DACT1: variants seen among roughly 807,000 people sequenced by gnomAD.
DACT1 encodes dapper homolog 1.
In DACT1, 19 loss-of-function variants were observed where a neutral mutation model predicts 35.3. That is an observed-to-expected ratio of 0.54 (90% confidence interval 0.38 to 0.79). The LOEUF (loss-of-function observed/expected upper bound fraction) is 0.79. DACT1 is among the 30% of genes least tolerant of loss of function. The pLI, the probability that DACT1 is intolerant of heterozygous loss-of-function variation, is 0.00. For missense variants in DACT1, 1,143 were observed against 1,057.5 expected (o/e 1.08, Z -1.12); for synonymous variants, 545 against 466.7 (o/e 1.17, Z -2.16).
rs2047601203 is a variant in DACT1, at chr14:58,638,872, A to G, written c.345+325A>G. ...GTTCTAACGTTCGGTCTCCTTAGTTAGATGAGTATATGCCCTCTCCCCAGC... is the reference window on the plus strand; with the variant it reads ...GTTCTAACGTTCGGTCTCCTTAGTTGGATGAGTATATGCCCTCTCCCCAGC... On this transcript the variant is annotated intron_variant, in intron 1 of 3. Coordinates refer to ENST00000395153, the MANE Select transcript of DACT1 (RefSeq NM_001079520.2). The G allele has an allele frequency of 2.8e-6, 3 of 1,068,858 alleles. No homozygotes were observed. In the South Asian group the frequency reaches 1.4e-4, roughly 48 times the overall value. 66.2% of individuals were successfully genotyped at this position (1,068,858 alleles called of 1,614,324 possible).
Position 58,638,184 on chromosome 14 carries a change from C to G in DACT1, c.-19C>G. 1 of 1,290,546 alleles carries G rather than the reference C, an allele frequency of 7.7e-7. No homozygotes were observed. Among genetic ancestry groups the G allele is most frequent in the Non-Finnish European group, 9.8e-7 (1 of 1,020,774 alleles). 79.9% of individuals were successfully genotyped at this position (1,290,546 alleles called of 1,614,324 possible). A position where few individuals can be genotyped will look rare whatever the true frequency, so the allele number is the denominator to read the frequency against. ...GCGGCCCGGCTGCGGTGACGGCTCT[C>G]GCTGCCCGACTGGGGGCCATGAAGC... is the stretch of plus-strand genomic sequence containing the variant. On this transcript the variant is annotated 5_prime_UTR_variant, in exon 1 of 4. Coordinates refer to ENST00000395153, the MANE Select transcript of DACT1 (RefSeq NM_001079520.2).
In DACT1 at chr14:58,640,806, TGA is replaced by T; in HGVS notation, c.419_420del (p.Arg140ThrfsTer8). 6.2e-7 allele frequency: 1 copy of T among 1,614,130 alleles called. No homozygotes were observed. ...GAGCTTGACAAGCAGATAAGTGACC[TGA>T]GACTGGATGTAGAAAAGACATCTGA... On this transcript the variant is annotated frameshift_variant, in exon 2 of 4. Coordinates refer to ENST00000395153, the MANE Select transcript of DACT1 (RefSeq NM_001079520.2). LOFTEE classifies it high-confidence loss of function.
rs1242959369 is a variant in DACT1 at position 58,638,448 on chromosome 14, T to C, written c.246T>C (p.Ala82=). 7.4e-7 allele frequency: 1 copy of C among 1,346,964 alleles called. No homozygotes were observed. Among genetic ancestry groups the C allele is most frequent in the Non-Finnish European group, 9.6e-7 (1 of 1,045,206 alleles). The allele number at this position is 1,346,964 out of a possible 1,614,324, so 83.4% of individuals were successfully genotyped here. A position where few individuals can be genotyped will look rare whatever the true frequency, so the allele number is the denominator to read the frequency against. Residue 82 remains alanine (A), a synonymous_variant, in exon 1 of 4, where the codon GCT becomes GCC. Coordinates refer to ENST00000395153, the MANE Select transcript of DACT1 (RefSeq NM_001079520.2). ...ALRGAGGAGA[A]APRAGELLGE... ...GCGGCGCCGGGGGTGCGGGAGCCGC[T>C]GCGCCCCGCGCTGGGGAGCTACTGG...
In DACT1 at chr14:58,647,291, T is replaced by G. The variant is rs1380407632; in HGVS notation, c.*157T>G. ...TAAATTATTGTTTCATCTTCACGTA[T>G]GGATGCTAGTGCCTTTAATGGAAGG... On this transcript the variant is annotated 3_prime_UTR_variant, in exon 4 of 4. Coordinates refer to ENST00000395153, the MANE Select transcript of DACT1 (RefSeq NM_001079520.2). 2 of 816,332 alleles carry G rather than the reference T, an allele frequency of 2.4e-6. No homozygotes were observed. Among genetic ancestry groups the G allele is most frequent in the Non-Finnish European group, 3.8e-6 (2 of 522,134 alleles). 50.6% of individuals were successfully genotyped at this position (816,332 alleles called of 1,614,324 possible).
Position 58,646,723 on chromosome 14 carries a change from G to T in DACT1, c.1989G>T (p.Glu663Asp), listed in dbSNP as rs1458870073. The change falls in exon 4 of 4, where the codon GAG becomes GAT. Residue 663 changes from glutamate (E) to aspartate (D), a missense_variant. Around this residue, in one of 3 missense-constraint regions of DACT1, gnomAD observed 1,054 missense variants for 958.8 expected, o/e 1.10. Coordinates refer to ENST00000395153, the MANE Select transcript of DACT1 (RefSeq NM_001079520.2). ...ALRRARRGRR[E>D]NVGLYPAPVP... ...GGAGGGCCCGGCGCGGTCGCCGGGAGAATGTGGGGCTGTACCCCGCGCCTG... is the reference window on the plus strand; with the variant it reads ...GGAGGGCCCGGCGCGGTCGCCGGGATAATGTGGGGCTGTACCCCGCGCCTG... 6.2e-7 allele frequency: 1 copy of T among 1,613,620 alleles called. No individual in the cohort carries two copies. The highest frequency in any genetic ancestry group is 1.7e-5 in the Admixed American group (1 of 60,012).
chr14:58,638,149 C>T lies in DACT1; in HGVS notation c.-54C>T. 7.9e-7 allele frequency: 1 copy of T among 1,260,028 alleles called. No individual in the cohort carries two copies. The highest frequency in any genetic ancestry group is 2.7e-5 in the South Asian group (1 of 37,516). 78.1% of individuals were successfully genotyped at this position (1,260,028 alleles called of 1,614,324 possible). ...CGGCCGCAGCCCTAGCGCCCTGCTC[C>T]TCCGCCTGGGCGGCCCGGCTGCGGT... On this transcript the variant is annotated 5_prime_UTR_variant, in exon 1 of 4. Coordinates refer to ENST00000395153, the MANE Select transcript of DACT1 (RefSeq NM_001079520.2).
At position 58,645,712 on chromosome 14, in the gene DACT1, C is replaced by G. The variant is rs776288208; in HGVS notation, c.978C>G (p.Asn326Lys). ...VRTNKPRTSV[N>K]ADPTKGLLRN... Reference sequence around the variant, plus strand: ...CCAACAAACCAAGAACCAGCGTGAACGCTGACCCCACGAAAGGGCTTCTGA... The same window carrying G: ...CCAACAAACCAAGAACCAGCGTGAAGGCTGACCCCACGAAAGGGCTTCTGA... Residue 326 changes from asparagine to lysine, a missense_variant, in exon 4 of 4, where the codon AAC (asparagine) becomes AAG (lysine). Physicochemically the swap from Asn to Lys is moderately conservative, Grantham distance 94. This residue lies in a region of DACT1 where 1,054 missense variants were observed against 958.8 expected (regional missense o/e 1.10). Coordinates refer to ENST00000395153, the MANE Select transcript of DACT1 (RefSeq NM_001079520.2). The G allele has an allele frequency of 2.5e-6, 4 of 1,614,210 alleles. No homozygotes were observed. Among genetic ancestry groups the G allele is most frequent in the Non-Finnish European group, 3.4e-6 (4 of 1,180,040 alleles).
chr14:58,642,847 C>T (rs1015733613), intron 3 of DACT1, among the ~76,000 whole-genome samples: 1 of 152,232 alleles, frequency 6.6e-6, no homozygotes, highest in Non-Finnish European at 1.5e-5. Flanking sequence ...TGGGTGCCCA[C>T]ATGCCATTAT....
Position 58,647,280 on chromosome 14 carries a change from A to G in DACT1, c.*146A>G, listed in dbSNP as rs1352991744. On this transcript the variant is annotated 3_prime_UTR_variant, in exon 4 of 4. Coordinates refer to ENST00000395153, the MANE Select transcript of DACT1 (RefSeq NM_001079520.2). ...TAAAACCAAGGTAAATTATTGTTTC[A>G]TCTTCACGTATGGATGCTAGTGCCT... is the stretch of plus-strand genomic sequence containing the variant. 5 of 912,586 alleles carry G rather than the reference A, an allele frequency of 5.5e-6. No individual in the cohort carries two copies. The highest frequency in any genetic ancestry group is 8.2e-6 in the Non-Finnish European group (5 of 606,416). 56.5% of individuals were successfully genotyped at this position (912,586 alleles called of 1,614,324 possible).
upstream of DACT1, among the ~76,000 whole-genome samples, chr14:58,635,190 G>A (rs1435724160): frequency 6.6e-6 from 1 of 152,216 alleles, no homozygotes; most frequent in Non-Finnish European, 1.5e-5. Context: ...ACAGTAGGGG[G>A]AAGTGAGATT....
Position 58,646,744 on chromosome 14 carries a change from G to A in DACT1, c.2010G>A (p.Ala670=), listed in dbSNP as rs1210020881. ...GGGAGAATGTGGGGCTGTACCCCGC[G>A]CCTGTGCCTCTGCCCTACGCCAGCC... ...GRRENVGLYP[A]PVPLPYASPY... is the part of the protein sequence containing the mutation. Residue 670 remains alanine, a synonymous_variant, in exon 4 of 4, where the codon GCG becomes GCA. Coordinates refer to ENST00000395153, the MANE Select transcript of DACT1 (RefSeq NM_001079520.2). The A allele has an allele frequency of 6.2e-7, 1 of 1,613,856 alleles. No homozygotes were observed. The highest frequency in any genetic ancestry group is 8.5e-7 in the Non-Finnish European group (1 of 1,180,026).
upstream of DACT1, among the ~76,000 whole-genome samples, chr14:58,636,858 G>A (rs1199954031): frequency 6.6e-6 from 1 of 151,784 alleles, no homozygotes; most frequent in Non-Finnish European, 1.5e-5. Flanking sequence ...AGTGGGATAG[G>A]GGTCTGGAGT....
Position 58,647,171 on chromosome 14 carries a change from T to C in DACT1, c.*37T>C. 1 of 1,589,100 alleles carries C rather than the reference T, an allele frequency of 6.3e-7. No homozygotes were observed. The highest frequency in any genetic ancestry group is 8.5e-7 in the Non-Finnish European group (1 of 1,173,480). On this transcript the variant is annotated 3_prime_UTR_variant, in exon 4 of 4. Transcript: ENST00000395153. ...GGTGTAGAAAGTTTGTGTGTTTTTT[T>C]TTCTTCTCCCTAGTTGCCAAAATTA...
chr14:58,637,301 A>G (rs1361940071), upstream of DACT1, among the ~76,000 whole-genome samples: 4 of 152,270 alleles, frequency 2.6e-5, no homozygotes, highest in Non-Finnish European at 5.9e-5. Flanking sequence ...ATACAACGAC[A>G]TCCTCCTGCC....
rs1298835102 is a variant in DACT1 at position 58,647,384 on chromosome 14, C to T, written c.*250C>T. 9 of 488,260 alleles carry T rather than the reference C, an allele frequency of 1.8e-5. No homozygotes were observed. The highest frequency in any genetic ancestry group is 2.9e-5 in the Non-Finnish European group (8 of 274,060). The allele number at this position is 488,260 out of a possible 1,614,324, so 30.2% of individuals were successfully genotyped here. ...ATGGTGGTGATAGTGAGTTTTGTGG[C>T]ACCAGCTGTTTTTTATTTTAAACTT... On this transcript the variant is annotated 3_prime_UTR_variant, in exon 4 of 4. Transcript: ENST00000395153.
chr14:58,639,858 G>T (rs1434218382), intron 1 of DACT1, among the ~76,000 whole-genome samples: 3 of 152,226 alleles, frequency 2.0e-5, no homozygotes, highest in Admixed American at 6.5e-5. Context: ...GTTATGGCTG[G>T]TGACTTTTAC....
chr14:58,638,453 C>A lies in DACT1; in HGVS notation c.251C>A (p.Pro84His). 7.4e-7 allele frequency: 1 copy of A among 1,351,826 alleles called. No individual in the cohort carries two copies. The highest frequency in any genetic ancestry group is 9.5e-7 in the Non-Finnish European group (1 of 1,047,450). The allele number at this position is 1,351,826 out of a possible 1,614,324, so 83.7% of individuals were successfully genotyped here. Residue 84 changes from proline (P) to histidine (H), a missense_variant, in exon 1 of 4, where the codon CCC (proline) becomes CAC (histidine). Physicochemically the swap from Pro to His is moderately conservative, Grantham distance 77. Coordinates refer to ENST00000395153, the MANE Select transcript of DACT1 (RefSeq NM_001079520.2). ...RGAGGAGAAA[P>H]RAGELLGEAA... ...GCCGGGGGTGCGGGAGCCGCTGCGC[C>A]CCGCGCTGGGGAGCTACTGGGGGAG...
At position 58,641,738 on chromosome 14, in the gene DACT1, A is replaced by C. The variant is rs779376717; in HGVS notation, c.625A>C (p.Lys209Gln). The C allele has an allele frequency of 6.2e-7, 1 of 1,612,974 alleles. No individual in the cohort carries two copies. Among genetic ancestry groups the C allele is most frequent in the African/African-American group, 1.3e-5 (1 of 74,878 alleles). Residue 209 changes from lysine to glutamine, a missense_variant, in exon 3 of 4, where the codon AAA (lysine) becomes CAA (glutamine). Lys to Gln is a moderately conservative substitution (Grantham distance 53). This residue lies in a region of DACT1 where 1,054 missense variants were observed against 958.8 expected (regional missense o/e 1.10). Coordinates refer to ENST00000395153, the MANE Select transcript of DACT1 (RefSeq NM_001079520.2). ...ATLSLSDGCP[K>Q]SADVNPKYQC... The stretch of plus-strand genomic sequence containing the variant: ...CTTGAGTCTCTCAGATGGTTGCCCC[A>C]AATCTGCAGGTAAGAATTTTTAGCA...
rs1490262333 is a variant in DACT1, at chr14:58,646,173, G to A, written c.1439G>A (p.Gly480Asp). Residue 480 changes from glycine to aspartate, a missense_variant, in exon 4 of 4, where the codon GGC (glycine) becomes GAC (aspartate). Around this residue, in one of 3 missense-constraint regions of DACT1, gnomAD observed 1,054 missense variants for 958.8 expected, o/e 1.10. Coordinates refer to ENST00000395153, the MANE Select transcript of DACT1 (RefSeq NM_001079520.2). ...KKMSQKNSLQ[G>D]VPPATPPLLS... The stretch of plus-strand genomic sequence containing the variant: ...ATGTCACAGAAAAACAGCCTGCAGG[G>A]CGTCCCCCCGGCCACTCCTCCCCTG... 1.2e-6 allele frequency: 2 copies of A among 1,613,620 alleles called. No individual in the cohort carries two copies. The highest frequency in any genetic ancestry group is 3.3e-5 in the Admixed American group (2 of 59,886).
Sources: allele counts gnomAD v4.1 joint callset (sites outside exome capture counted in the v4.1 genomes callset), GRCh38; gene constraint gnomAD v4.1.1; regional missense constraint gnomAD v4.1.1; transcripts MANE v1.5; gene names NCBI Gene and HGNC (gene_info 2026-07-23, HGNC 2026-07-21).